DMD: variants seen among roughly 807,000 people sequenced by gnomAD.
The protein encoded by DMD is dystrophin.
Under a neutral mutation model 330.1 loss-of-function variants are expected in DMD, and 63 were observed. That is an observed-to-expected ratio of 0.19 (90% CI 0.16 to 0.24). The LOEUF is 0.24. DMD is among the 10% of genes least tolerant of loss of function. The pLI, the probability that DMD is intolerant of heterozygous loss-of-function variation, is 1.00. For synonymous variants in DMD, 1,223 were observed against 959.8 expected (o/e 1.27, Z -5.07); for missense variants, 3,344 against 2,684.1 (o/e 1.25, Z -5.43).
intron 44 of DMD, among the ~76,000 whole-genome samples, chrX:32,076,131 C>CAAGGCACT (rs1401259660): frequency 1.1e-5 from 1 of 91,589 alleles, no homozygotes; most frequent in Non-Finnish European, 2.1e-5. Flanking sequence ...TAACAGTATG[C>CAAGGCACT]AAGGCACTGT....
intron 1 of DMD, among the ~76,000 whole-genome samples, chrX:33,187,375 T>A (rs1461613808): frequency 3.6e-5 from 4 of 112,633 alleles, no homozygotes; most frequent in African/African-American, 1.3e-4. Context: ...TAAATGATCT[T>A]AAGTGATAGT....
At position 32,811,963 on chromosome X, in the gene DMD, T is replaced by A. The variant is rs996722536; in HGVS notation, c.531-2352A>T. Among the ~76,000 whole-genome samples the A allele has an allele frequency of 4.5e-5, 5 of 111,987 alleles. No homozygotes were observed. In the East Asian group the frequency reaches 1.4e-3, roughly 32 times the overall value. On this transcript the variant is annotated intron_variant, in intron 6 of 78. Transcript: ENST00000357033. ...ATAATCAAGACCTCACAGGCCTGGCTCCATTGGAAGATTCTAAGTATCAAG... is the reference window on the plus strand; with the variant it reads ...ATAATCAAGACCTCACAGGCCTGGCACCATTGGAAGATTCTAAGTATCAAG...
chrX:32,855,373 C>G (rs2081463999), intron 2 of DMD, among the ~76,000 whole-genome samples: 1 of 111,816 alleles, frequency 8.9e-6, no homozygotes, highest in African/African-American at 3.2e-5. Context: ...TCAAATGATC[C>G]TTGTTTACAA....
At chrX:31,989,057 T>G (rs1432983158) in intron 44 of DMD, among the ~76,000 whole-genome samples, 1 of 112,375 alleles carries the variant, frequency 8.9e-6, no homozygotes, top group Non-Finnish European at 1.9e-5. Flanking sequence ...GTGTTCCAGC[T>G]TTAGCTATCA....
intron 9 of DMD, among the ~76,000 whole-genome samples, chrX:32,682,610 C>A (rs1187757317): frequency 9.0e-6 from 1 of 111,568 alleles, no homozygotes; most frequent in African/African-American, 3.3e-5. Flanking sequence ...TCAAAAAAAA[C>A]AAATTTTGAG....
At chrX:32,667,113 T>G (rs960165834) in intron 9 of DMD, among the ~76,000 whole-genome samples, 7 of 111,531 alleles carry the variant, frequency 6.3e-5, no homozygotes, top group African/African-American at 2.3e-4. Flanking sequence ...ATCTTGCCAT[T>G]TGCTACAACA....
At chrX:32,335,456 TAC>T (rs1404872028) in intron 41 of DMD, among the ~76,000 whole-genome samples, 6 of 104,878 alleles carry the variant, frequency 5.7e-5, no homozygotes, top group Non-Finnish European at 1.2e-4. Context: ...TATATGTATA[TAC>T]ATGTATATAT....
At chrX:32,862,724 T>C (rs935230347) in intron 2 of DMD, among the ~76,000 whole-genome samples, 1 of 111,481 alleles carries the variant, frequency 9.0e-6, no homozygotes, top group Non-Finnish European at 1.9e-5. Flanking sequence ...CCCTATAAAA[T>C]TGAACATTCT....
chrX:32,131,389 T>C (rs916905601), intron 44 of DMD, among the ~76,000 whole-genome samples: 1 of 111,547 alleles, frequency 9.0e-6, no homozygotes, highest in Admixed American at 9.5e-5. Context: ...ACGAGTTTTC[T>C]TGTTATCTTA....
In DMD at chrX:33,155,799, G is replaced by GA. The variant is rs767019506; in HGVS notation, c.31+55482dup. On this transcript the variant is annotated intron_variant, in intron 1 of 78. Coordinates refer to ENST00000357033, the MANE Select transcript of DMD (RefSeq NM_004006.3). The stretch of plus-strand genomic sequence containing the variant: ...CACAGGGAGATGCCATCTCTACAAA[G>GA]AAAAAAAAAAAAATTAACCAGGCAT... 6.9e-3 allele frequency among the ~76,000 whole-genome samples: 689 copies of GA among 100,210 alleles called. 2 individuals are homozygous for GA. Among genetic ancestry groups the GA allele is most frequent in the African/African-American group, 0.023 (639 of 27,781 alleles). The allele number at this position is 100,210 out of a possible 115,157, so 87.0% of individuals were successfully genotyped here.
At chrX:33,197,518 A>G (rs1053063176) in intron 1 of DMD, among the ~76,000 whole-genome samples, 1 of 111,564 alleles carries the variant, frequency 9.0e-6, no homozygotes, top group Non-Finnish European at 1.9e-5. Context: ...AAACACCACA[A>G]TCAAAATATT....
intron 2 of DMD, among the ~76,000 whole-genome samples, chrX:32,990,196 A>G (rs1049219022): frequency 9.0e-6 from 1 of 111,620 alleles, no homozygotes; most frequent in Non-Finnish European, 1.9e-5. Flanking sequence ...ACATAAACTT[A>G]AGAGTTTTTG....
intron 1 of DMD, among the ~76,000 whole-genome samples, chrX:33,058,611 T>G (rs2094546617): frequency 9.0e-6 from 1 of 110,626 alleles, no homozygotes; most frequent in Non-Finnish European, 1.9e-5. Context: ...CCTACTAATT[T>G]CTTTTGAACA....
chrX:31,359,771 A>G (rs1356983344), intron 60 of DMD, among the ~76,000 whole-genome samples: 1 of 111,998 alleles, frequency 8.9e-6, no homozygotes, highest in Non-Finnish European at 1.9e-5. Flanking sequence ...CATCACTATG[A>G]GGAAAGTACA....
intron 16 of DMD, among the ~76,000 whole-genome samples, chrX:32,555,975 C>G (rs2050253371): frequency 9.0e-6 from 1 of 111,698 alleles, no homozygotes; most frequent in Non-Finnish European, 1.9e-5. Flanking sequence ...CAAAGGGGAT[C>G]TAATTAAACT....
In DMD at chrX:33,277,279, G is replaced by C. The variant is rs759418504; in HGVS notation, c.7+61980C>G. 9.9e-5 allele frequency among the ~76,000 whole-genome samples: 11 copies of C among 111,022 alleles called. No homozygotes were observed. The South Asian group carries it at 3.4e-3, about 34-fold the overall frequency. ...CAACAGCTGGGTGAGGGAGGAGTGT[G>C]GACTAACTGATAAATGGATACAGTG... is the stretch of plus-strand genomic sequence containing the variant. On this transcript the variant is annotated intron_variant, in intron 1 of 17. Transcript: ENST00000288447.
intron 62 of DMD, among the ~76,000 whole-genome samples, chrX:31,262,837 C>T (rs1396274007): frequency 1.8e-5 from 2 of 112,690 alleles, no homozygotes; most frequent in Non-Finnish European, 3.7e-5. Context: ...CAGCTTGCAG[C>T]TTCGTGGAAA....
chrX:32,343,730 G>A (rs935057703), intron 39 of DMD, among the ~76,000 whole-genome samples: 4 of 111,599 alleles, frequency 3.6e-5, no homozygotes, highest in Admixed American at 9.5e-5. Flanking sequence ...AAAACTTTAT[G>A]TACTCAACCA....
intron 7 of DMD, among the ~76,000 whole-genome samples, chrX:32,735,722 G>T (rs1167153663): frequency 2.7e-5 from 3 of 111,975 alleles, no homozygotes; most frequent in African/African-American, 9.8e-5. Context: ...TATGTAGAAA[G>T]CTGAAACTGG....
Sources: gnomAD v4.1 joint callset for allele counts (sites outside exome capture counted in the v4.1 genomes callset) on GRCh38, gnomAD v4.1.1 for gene constraint, MANE v1.5 for transcripts, NCBI Gene and HGNC (gene_info 2026-07-23, HGNC 2026-07-21) for gene names.